Variants in ACTR5 observed in about 807,000 individuals in gnomAD.
The protein encoded by ACTR5 is actin-related protein 5.
Under a neutral mutation model 61.2 loss-of-function variants are expected in ACTR5, and 43 were observed. The observed-to-expected ratio is 0.70, with a 90% CI of 0.55 to 0.91. ACTR5 has a LOEUF of 0.91. ACTR5 is among the 40% of genes least tolerant of loss of function. The pLI, the probability that ACTR5 is intolerant of heterozygous loss-of-function variation, is 0.00. For missense variants in ACTR5, 798 were observed against 782.2 expected (o/e 1.02, Z -0.24); for synonymous variants, 333 against 310.5 (o/e 1.07, Z -0.76).
chr20:38,749,641 C>T (rs571776761), intron 1 of ACTR5, among the ~76,000 whole-genome samples: 8 of 152,270 alleles, frequency 5.3e-5, no homozygotes, highest in African/African-American at 1.9e-4. Context: ...TGTCTTGGAT[C>T]ATAGGGTGGA....
intron 5 of ACTR5, 148 bp from the exon 6 acceptor site, chr20:38,765,254 T>A: frequency 6.3e-6 from 4 of 632,922 alleles, no homozygotes; most frequent in Non-Finnish European, 8.3e-6. Flanking sequence ...GTGTGCTTTT[T>A]TAAAAATAGC....
chr20:38,755,912 A>G lies in ACTR5; in HGVS notation c.1049A>G (p.Asn350Ser), dbSNP rs1301754765. Residue 350 changes from asparagine to serine, a missense_variant, in exon 5 of 9, where the codon AAT becomes AGT. Transcript: ENST00000243903. ...DQFHKALIEL[N>S]MDSPEELQSY... ...TTTCACAAAGCTCTGATAGAGCTGA[A>G]TATGGACTCCCCAGAAGAGCTGCAG... 6.2e-7 allele frequency: 1 copy of G among 1,614,210 alleles called. No individual in the cohort carries two copies. The highest frequency in any genetic ancestry group is 1.7e-5 in the Admixed American group (1 of 60,030).
At position 38,754,925 on chromosome 20, in the gene ACTR5, A is replaced by C. The variant is rs753481694; in HGVS notation, c.776-32A>C. 6 of 1,608,390 alleles carry C rather than the reference A, an allele frequency of 3.7e-6. No homozygotes were observed. In the East Asian group the frequency reaches 1.3e-4, roughly 36 times the overall value. On this transcript the variant is annotated intron_variant, in intron 3 of 8. Transcript: ENST00000243903. ...TAATTGTTGTGTTAATAGTGTTTCC[A>C]TTTCATAACTTTCAAAATTGTTTCT...
chr20:38,750,134 G>A lies in ACTR5; in HGVS notation c.500G>A (p.Ser167Asn). ...GIPKVAYGID[S>N]LFSFYHNKPK... is the part of the protein sequence containing the mutation. The stretch of plus-strand genomic sequence containing the variant: ...CCCAAGGTTGCCTATGGAATAGACA[G>A]CCTCTTCAGCTTCTACCACAATAAG... Residue 167 changes from serine (S) to asparagine (N), a missense_variant, in exon 2 of 9, where the codon AGC (serine) becomes AAC (asparagine). By Grantham distance (46) the Ser-to-Asn change is conservative. Coordinates refer to ENST00000243903, the MANE Select transcript of ACTR5 (RefSeq NM_024855.4). The A allele has an allele frequency of 6.2e-7, 1 of 1,614,156 alleles. No homozygotes were observed. Among genetic ancestry groups the A allele is most frequent in the Non-Finnish European group, 8.5e-7 (1 of 1,179,996 alleles).
intron 5 of ACTR5, among the ~76,000 whole-genome samples, chr20:38,764,084 G>T (rs921488579): frequency 2.6e-5 from 4 of 152,136 alleles, no homozygotes; most frequent in Admixed American, 2.6e-4. Context: ...GTATTGAGGG[G>T]TATTGCCTTA....
rs569378932 is a variant in ACTR5, at chr20:38,748,530, G to A, written c.52G>A (p.Val18Met). ...CGACGCCCGTGCCGCACCGGACCCA[G>A]TGCTGGAGGCCGGCCCGGTGGCACA... ...FRDARAAPDP[V>M]LEAGPVAHGP... Residue 18 changes from valine (V) to methionine (M), a missense_variant, in exon 1 of 9, where the codon GTG (valine) becomes ATG (methionine). Val to Met is a conservative substitution (Grantham distance 21). Coordinates refer to ENST00000243903, the MANE Select transcript of ACTR5 (RefSeq NM_024855.4). 174 of 1,509,078 alleles carry A rather than the reference G, an allele frequency of 1.2e-4. No individual in the cohort carries two copies. Among genetic ancestry groups the A allele is most frequent in the Non-Finnish European group, 1.5e-4 (167 of 1,133,862 alleles). The allele number at this position is 1,509,078 out of a possible 1,614,324, so 93.5% of individuals were successfully genotyped here. A position where few individuals can be genotyped will look rare whatever the true frequency, so the allele number is the denominator to read the frequency against.
Position 38,765,437 on chromosome 20 carries a change from A to G in ACTR5, c.1212A>G (p.Glu404=). Residue 404 remains glutamate (E), a synonymous_variant, in exon 6 of 9, where the codon GAA becomes GAG. Coordinates refer to ENST00000243903, the MANE Select transcript of ACTR5 (RefSeq NM_024855.4). ...TGGAGCAGCTGGAGCCGTCTTTGGAAGATGTGGAAAGCATGAATGATTTTG... is the reference window on the plus strand; with the variant it reads ...TGGAGCAGCTGGAGCCGTCTTTGGAGGATGTGGAAAGCATGAATGATTTTG... ...PDLEQLEPSL[E]DVESMNDFDP... is the part of the protein sequence containing the mutation. 1.9e-6 allele frequency: 3 copies of G among 1,614,126 alleles called. No individual in the cohort carries two copies. The highest frequency in any genetic ancestry group is 2.5e-6 in the Non-Finnish European group (3 of 1,180,004).
intron 1 of ACTR5, among the ~76,000 whole-genome samples, chr20:38,749,799 G>C (rs1256552900): frequency 1.3e-5 from 2 of 152,198 alleles, no homozygotes; most frequent in Admixed American, 1.3e-4. Context: ...CTGACAGTTT[G>C]GATGGGACCT....
At position 38,748,806 on chromosome 20, in the gene ACTR5, G is replaced by A. The variant is rs1187272709; in HGVS notation, c.328G>A (p.Glu110Lys). ...CGTGCCGGTCAACCTGGAGCTTCAG[G>A]AGTTGCTGCTGGACTACAGCTTCCA... ...RNVPVNLELQ[E>K]LLLDYSFQHL... The change falls in exon 1 of 9, where the codon GAG (glutamate) becomes AAG (lysine). Residue 110 changes from glutamate (E) to lysine (K), a missense_variant. Transcript: ENST00000243903. 21 of 1,609,562 alleles carry A rather than the reference G, an allele frequency of 1.3e-5. No homozygotes were observed. The highest frequency in any genetic ancestry group is 1.5e-5 in the Non-Finnish European group (18 of 1,179,164).
Position 38,748,483 on chromosome 20 carries a change from C to G in ACTR5, c.5C>G (p.Ala2Gly). The G allele has an allele frequency of 1.3e-6, 2 of 1,485,062 alleles. No homozygotes were observed. Among genetic ancestry groups the G allele is most frequent in the Non-Finnish European group, 1.8e-6 (2 of 1,125,360 alleles). The allele number at this position is 1,485,062 out of a possible 1,614,324, so 92.0% of individuals were successfully genotyped here. Residue 2 changes from alanine to glycine, a missense_variant, in exon 1 of 9, where the codon GCG becomes GGG. Transcript: ENST00000243903. M[A>G]ANVFPFRDAR... is the part of the protein sequence containing the mutation. ...GGGCTGGACGCGCGCTCCAAGATGG[C>G]GGCGAACGTGTTCCCGTTCCGCGAC...
At position 38,771,791 on chromosome 20, in the gene ACTR5, G is replaced by A. The variant is rs201388536; in HGVS notation, c.1799G>A (p.Gly600Glu). 49 of 1,612,962 alleles carry A rather than the reference G, an allele frequency of 3.0e-5. No individual in the cohort carries two copies. The highest frequency in any genetic ancestry group is 4.0e-5 in the Non-Finnish European group (47 of 1,179,842). The change falls in exon 9 of 9, where the codon GGA (glycine) becomes GAA (glutamate). Residue 600 changes from glycine to glutamate, a missense_variant. Transcript: ENST00000243903. ...QASSKGSAAG[G>E]GGAGEQA The stretch of plus-strand genomic sequence containing the variant: ...TCCAGCAAGGGCTCCGCTGCTGGTG[G>A]AGGTGGTGCTGGTGAGCAGGCATAG...
intron 5 of ACTR5, 126 bp from the exon 6 acceptor site, chr20:38,765,276 T>C: frequency 1.4e-6 from 1 of 696,774 alleles, no homozygotes; most frequent in Admixed American, 2.6e-5. Context: ...TAGAAAAATT[T>C]TCATAGTTTT....
At chr20:38,752,364 T>C (rs1466187028) in intron 3 of ACTR5, 64 bp downstream of exon 3, 1 of 1,501,714 alleles carries the variant, frequency 6.7e-7, no homozygotes. Flanking sequence ...CTTAAATTAT[T>C]GCCAGCATGA....
At chr20:38,759,372 A>G (rs1367348994) in intron 5 of ACTR5, among the ~76,000 whole-genome samples, 1 of 88,716 alleles carries the variant, frequency 1.1e-5, no homozygotes, top group African/African-American at 3.8e-5. Context: ...GGCAAACTCT[A>G]GCGAGAGAGA....
intron 3 of ACTR5, among the ~76,000 whole-genome samples, chr20:38,754,661 G>A (rs2084407620): frequency 6.6e-6 from 1 of 152,176 alleles, no homozygotes; most frequent in Non-Finnish European, 1.5e-5. Flanking sequence ...AGAACTTGCA[G>A]TGAGCCGAGA....
chr20:38,761,115 T>G (rs761240126), intron 5 of ACTR5, among the ~76,000 whole-genome samples: 8 of 152,054 alleles, frequency 5.3e-5, no homozygotes, highest in Non-Finnish European at 1.0e-4. Context: ...TAGAGATGGG[T>G]CTCACTGTGT....
intron 3 of ACTR5, among the ~76,000 whole-genome samples, 160 bp downstream of exon 3, chr20:38,752,460 T>C (rs543544671): frequency 3.9e-5 from 6 of 152,366 alleles, no homozygotes; most frequent in East Asian, 1.9e-4. Flanking sequence ...TAACTTATGT[T>C]GTATAGGTTC....
intron 5 of ACTR5, among the ~76,000 whole-genome samples, chr20:38,763,445 G>A (rs1350876968): frequency 1.3e-5 from 2 of 152,202 alleles, no homozygotes; most frequent in Non-Finnish European, 2.9e-5. Flanking sequence ...GCCTGTCATT[G>A]CCTCAGCTGG....
At position 38,771,817 on chromosome 20, in the gene ACTR5, C is replaced by T. The variant is rs1417060427; in HGVS notation, c.*1C>T. The T allele has an allele frequency of 6.2e-7, 1 of 1,609,384 alleles. No homozygotes were observed. Among genetic ancestry groups the T allele is most frequent in the Non-Finnish European group, 8.5e-7 (1 of 1,178,936 alleles). The stretch of plus-strand genomic sequence containing the variant: ...AGGTGGTGCTGGTGAGCAGGCATAG[C>T]AGAGGCCCTCCAGAGAGACTGCCCT... On this transcript the variant is annotated 3_prime_UTR_variant, in exon 9 of 9. Transcript: ENST00000243903.
Sources: gnomAD v4.1 joint callset for allele counts (sites outside exome capture counted in the v4.1 genomes callset) on GRCh38, gnomAD v4.1.1 for gene constraint, MANE v1.5 for transcripts, NCBI Gene and HGNC (gene_info 2026-07-23, HGNC 2026-07-21) for gene names.